The following RNF39 variants were observed in gnomAD, a reference collection of about 807,000 sequenced individuals.
RNF39 encodes the protein ring finger protein 39, also known as LTP (long-term potentiation) induced RING finger protein.
A neutral mutation model predicts 29.2 loss-of-function variants in RNF39; 25 were observed. The ratio of observed to expected loss-of-function variants is 0.86; its 90% CI spans 0.62 to 1.20. The LOEUF (loss-of-function observed/expected upper bound fraction) is 1.20, where lower values mean the gene tolerates loss of function less well. RNF39 is among the 50% of genes most tolerant of loss of function. The pLI is 0.00. For synonymous variants in RNF39, 219 were observed against 229.0 expected (o/e 0.96, Z 0.40); for missense variants, 519 against 515.0 (o/e 1.01, Z -0.08).
chr6:30,071,276 G>A lies in RNF39; in HGVS notation c.894C>T (p.Arg298=), dbSNP rs1202345768. Residue 298 remains arginine, a synonymous_variant, in exon 4 of 4, where the codon CGC becomes CGT. Coordinates refer to ENST00000244360, the MANE Select transcript of RNF39 (RefSeq NM_025236.4). The surrounding 1 kb of genome is among the most constrained non-coding windows in gnomAD (Gnocchi z 5.0). Reference sequence around the variant, plus strand: ...GGCCCCGCTCCCAGTCCAGGTCCACGCGAATGCGCCGCGGCGGGGGCTCAA... The same window carrying A: ...GGCCCCGCTCCCAGTCCAGGTCCACACGAATGCGCCGCGGCGGGGGCTCAA... ...GGVEPPPRRI[R]VDLDWERGRV... is the part of the protein sequence containing the mutation. The A allele has an allele frequency of 6.6e-7, 1 of 1,505,900 alleles. No homozygotes were observed. The highest frequency in any genetic ancestry group is 2.3e-5 in the Admixed American group (1 of 42,676). 93.3% of individuals were successfully genotyped at this position (1,505,900 alleles called of 1,614,324 possible).
chr6:30,075,165 GC>G lies in RNF39; in HGVS notation c.363+57del, dbSNP rs1196757661. ...TCCGGCTCCAGACGTGCCATTCCCGGCTTCCCCGGGAACCTCCCGCTTCCAC... is the reference window on the plus strand; with the variant it reads ...TCCGGCTCCAGACGTGCCATTCCCGGTTCCCCGGGAACCTCCCGCTTCCAC... On this transcript the variant is annotated intron_variant, in intron 1 of 3. Coordinates refer to ENST00000244360, the MANE Select transcript of RNF39 (RefSeq NM_025236.4). The G allele has an allele frequency of 2.7e-6, 4 of 1,487,224 alleles. No individual in the cohort carries two copies. The Admixed American group carries it at 9.1e-5, about 34-fold the overall frequency. The allele number at this position is 1,487,224 out of a possible 1,614,324, so 92.1% of individuals were successfully genotyped here. A position where few individuals can be genotyped will look rare whatever the true frequency, so the allele number is the denominator to read the frequency against.
Position 30,074,846 on chromosome 6 carries a change from T to A in RNF39, c.363+377A>T, listed in dbSNP as rs1766281914. 6.6e-6 allele frequency among the ~76,000 whole-genome samples: 1 copy of A among 151,878 alleles called. No homozygotes were observed. The highest frequency in any genetic ancestry group is 2.1e-4 in the South Asian group (1 of 4,796). On this transcript the variant is annotated intron_variant, in intron 1 of 3. Coordinates refer to ENST00000244360, the MANE Select transcript of RNF39 (RefSeq NM_025236.4). The surrounding 1 kb of genome is among the most constrained non-coding windows in gnomAD (Gnocchi z 4.1). ...CCCTCCCCTCCGCCAGCTCTCCTCCTCCCGGGCGCCTGCGGCTGCCCTGCC... is the reference window on the plus strand; with the variant it reads ...CCCTCCCCTCCGCCAGCTCTCCTCCACCCGGGCGCCTGCGGCTGCCCTGCC...
At position 30,070,593 on chromosome 6, in the gene RNF39, A is replaced by C; in HGVS notation, c.*518T>G. ...CACCCCCAGATCCTGCAAAAGAGGT[A>C]CAAAGCTTCCCAGAGGGCCACAGGG... On this transcript the variant is annotated 3_prime_UTR_variant, in exon 4 of 4. Transcript: ENST00000244360. 1 of 332,360 alleles carries C rather than the reference A, an allele frequency of 3.0e-6. No homozygotes were observed. The highest frequency in any genetic ancestry group is 6.0e-6 in the Non-Finnish European group (1 of 167,884). 20.6% of individuals were successfully genotyped at this position (332,360 alleles called of 1,614,324 possible).
rs1170241472 is a variant in RNF39, at chr6:30,072,728, C to G, written c.478+429G>C. 6.6e-6 allele frequency among the ~76,000 whole-genome samples: 1 copy of G among 152,166 alleles called. No individual in the cohort carries two copies. Among genetic ancestry groups the G allele is most frequent in the Non-Finnish European group, 1.5e-5 (1 of 68,028 alleles). On this transcript the variant is annotated intron_variant, in intron 3 of 3. Coordinates refer to ENST00000244360, the MANE Select transcript of RNF39 (RefSeq NM_025236.4). The surrounding 1 kb of genome is among the most constrained non-coding windows in gnomAD (Gnocchi z 4.5). The stretch of plus-strand genomic sequence containing the variant: ...CTCAGAATGTTACCTTGTTTTGAAA[C>G]AGGATCTTTACATAGGTAATCAAGT...
At position 30,071,817 on chromosome 6, in the gene RNF39, A is replaced by C; in HGVS notation, c.479-126T>G. The C allele has an allele frequency of 3.7e-5, 29 of 791,024 alleles. No homozygotes were observed. Among genetic ancestry groups the C allele is most frequent in the Middle Eastern group, 3.9e-4 (1 of 2,538 alleles). 49.0% of individuals were successfully genotyped at this position (791,024 alleles called of 1,614,324 possible). On this transcript the variant is annotated intron_variant, in intron 3 of 3. Coordinates refer to ENST00000244360, the MANE Select transcript of RNF39 (RefSeq NM_025236.4). The surrounding 1 kb of genome is among the most constrained non-coding windows in gnomAD (Gnocchi z 5.0). ...AGAGCTAGTGACCACACAACAGCTCAAAAGGCGACTGCAGGACCAAAAAGA... is the reference window on the plus strand; with the variant it reads ...AGAGCTAGTGACCACACAACAGCTCCAAAGGCGACTGCAGGACCAAAAAGA...
Position 30,072,790 on chromosome 6 carries a change from T to C in RNF39, c.478+367A>G, listed in dbSNP as rs1766094497. Among the ~76,000 whole-genome samples, 1 of 152,140 alleles carries C rather than the reference T, an allele frequency of 6.6e-6. No homozygotes were observed. The highest frequency in any genetic ancestry group is 2.1e-4 in the South Asian group (1 of 4,816). Reference sequence around the variant, plus strand: ...TCATTAGGGTGGGCTCTAATCCAGATTGCTGACTTACAAAAAGAGGAAATT... The same window carrying C: ...TCATTAGGGTGGGCTCTAATCCAGACTGCTGACTTACAAAAAGAGGAAATT... On this transcript the variant is annotated intron_variant, in intron 3 of 3. Transcript: ENST00000244360. The surrounding 1 kb of genome is among the most constrained non-coding windows in gnomAD (Gnocchi z 4.5).
chr6:30,075,410 G>T lies in RNF39; in HGVS notation c.176C>A (p.Ser59Tyr). ...GCCGCAGCAGGGACAGGCGGTGGGG[G>T]AAGCCTCGGTGCCGGTCGCCGGCGG... The part of the protein sequence containing the change: ...GTPPATGTEA[S>Y]PTACPCCGLP... The change falls in exon 1 of 4, where the codon TCC becomes TAC. Residue 59 changes from serine (S) to tyrosine (Y), a missense_variant. Physicochemically the swap from Ser to Tyr is moderately radical, Grantham distance 144. Transcript: ENST00000244360. The T allele has an allele frequency of 6.4e-7, 1 of 1,558,328 alleles. No homozygotes were observed.
Position 30,072,453 on chromosome 6 carries a change from G to A in RNF39, c.478+704C>T, listed in dbSNP as rs1038556974. On this transcript the variant is annotated intron_variant, in intron 3 of 3. Transcript: ENST00000244360. This position sits in a 1 kb window ranked among gnomAD's most constrained non-coding sequence, Gnocchi z 4.5. ...GAAGGGTAGAGGCACCCTTCTTCTT[G>A]GGAGTGAGTGAGGAAAGAAGGGTCA... Among the ~76,000 whole-genome samples, 1 of 152,070 alleles carries A rather than the reference G, an allele frequency of 6.6e-6. No homozygotes were observed. Among genetic ancestry groups the A allele is most frequent in the Non-Finnish European group, 1.5e-5 (1 of 68,008 alleles).
At position 30,071,162 on chromosome 6, in the gene RNF39, G is replaced by C; in HGVS notation, c.1008C>G (p.Phe336Leu). 1.3e-6 allele frequency: 2 copies of C among 1,530,662 alleles called. No individual in the cohort carries two copies. The highest frequency in any genetic ancestry group is 1.8e-6 in the Non-Finnish European group (2 of 1,140,236). The allele number at this position is 1,530,662 out of a possible 1,614,324, so 94.8% of individuals were successfully genotyped here. A position where few individuals can be genotyped will look rare whatever the true frequency, so the allele number is the denominator to read the frequency against. Reference sequence around the variant, plus strand: ...GCGGAGCACGAGGGTCGCAGGTGCAGAACAGCGGGAAGATGCGCTCCCCCA... The same window carrying C: ...GCGGAGCACGAGGGTCGCAGGTGCACAACAGCGGGAAGATGCGCTCCCCCA... ...GPLGERIFPLFCTCDPRAPLR... is the reference protein window; with the variant it reads ...GPLGERIFPLLCTCDPRAPLR... The change falls in exon 4 of 4, where the codon TTC (phenylalanine) becomes TTG (leucine). Residue 336 changes from phenylalanine to leucine, a missense_variant. Transcript: ENST00000244360. This position sits in a 1 kb window ranked among gnomAD's most constrained non-coding sequence, Gnocchi z 5.0.
At position 30,074,950 on chromosome 6, in the gene RNF39, C is replaced by T. The variant is rs1766289484; in HGVS notation, c.363+273G>A. 6.6e-6 allele frequency among the ~76,000 whole-genome samples: 1 copy of T among 152,126 alleles called. No homozygotes were observed. On this transcript the variant is annotated intron_variant, in intron 1 of 3. Transcript: ENST00000244360. The surrounding 1 kb of genome is among the most constrained non-coding windows in gnomAD (Gnocchi z 4.1). ...CTATCCGGTACCCCTTCTCTGCCTC[C>T]CCAGTCTCTTCTCTCCAGCCCCTCT... is the stretch of plus-strand genomic sequence containing the variant.
In RNF39 at chr6:30,074,051, G is replaced by T. The variant is rs1421671002; in HGVS notation, c.364-573C>A. Among the ~76,000 whole-genome samples, 1 of 152,108 alleles carries T rather than the reference G, an allele frequency of 6.6e-6. No individual in the cohort carries two copies. The highest frequency in any genetic ancestry group is 1.5e-5 in the Non-Finnish European group (1 of 68,030). On this transcript the variant is annotated intron_variant, in intron 1 of 3. Coordinates refer to ENST00000244360, the MANE Select transcript of RNF39 (RefSeq NM_025236.4). The surrounding 1 kb of genome is among the most constrained non-coding windows in gnomAD (Gnocchi z 4.1). Reference sequence around the variant, plus strand: ...TTGGGCCCTTTGCTTTGTGTCTCTGGACCCTGGCCAGGGAGGCAGCTAGAC... The same window carrying T: ...TTGGGCCCTTTGCTTTGTGTCTCTGTACCCTGGCCAGGGAGGCAGCTAGAC...
At position 30,071,134 on chromosome 6, in the gene RNF39, G is replaced by C; in HGVS notation, c.1036C>G (p.Arg346Gly). Reference sequence around the variant, plus strand: ...ACTCAGCTTTCCGCTGGTACAATGCGGAGCGGAGCACGAGGGTCGCAGGTG... The same window carrying C: ...ACTCAGCTTTCCGCTGGTACAATGCCGAGCGGAGCACGAGGGTCGCAGGTG... ...FCTCDPRAPL[R>G]IVPAES Residue 346 changes from arginine (R) to glycine (G), a missense_variant, in exon 4 of 4, where the codon CGC (arginine) becomes GGC (glycine). Coordinates refer to ENST00000244360, the MANE Select transcript of RNF39 (RefSeq NM_025236.4). This position sits in a 1 kb window ranked among gnomAD's most constrained non-coding sequence, Gnocchi z 5.0. 6.4e-7 allele frequency: 1 copy of C among 1,553,802 alleles called. No homozygotes were observed. The highest frequency in any genetic ancestry group is 8.7e-7 in the Non-Finnish European group (1 of 1,149,778).
chr6:30,073,381 A>G (rs1766151031), intron 2 of RNF39, 75 bp downstream of exon 2: 1 of 1,595,866 alleles, frequency 6.3e-7, no homozygotes, highest in Non-Finnish European at 8.6e-7. Flanking sequence ...ATGGGAACAA[A>G]GGTGTGGGCC....
chr6:30,070,860 A>G lies in RNF39; in HGVS notation c.*251T>C, dbSNP rs1042817483. The G allele has an allele frequency of 8.7e-6, 6 of 693,110 alleles. No individual in the cohort carries two copies. Among genetic ancestry groups the G allele is most frequent in the Non-Finnish European group, 1.3e-5 (5 of 379,244 alleles). 42.9% of individuals were successfully genotyped at this position (693,110 alleles called of 1,614,324 possible). A position where few individuals can be genotyped will look rare whatever the true frequency, so the allele number is the denominator to read the frequency against. ...ATGGTTTGAATGGGAGAAGTCAGGAAGTACTGTAGTAGCTGTAGGGGAGAG... is the reference window on the plus strand; with the variant it reads ...ATGGTTTGAATGGGAGAAGTCAGGAGGTACTGTAGTAGCTGTAGGGGAGAG... On this transcript the variant is annotated 3_prime_UTR_variant, in exon 4 of 4. Coordinates refer to ENST00000244360, the MANE Select transcript of RNF39 (RefSeq NM_025236.4).
At chr6:30,073,295 A>T (rs773944118) in intron 2 of RNF39, 47 bp from the exon 3 acceptor site, 2 of 1,501,162 alleles carry the variant, frequency 1.3e-6, no homozygotes, top group Admixed American at 3.3e-5. Flanking sequence ...TCTGATCCTA[A>T]TGCCCCCACG....
In RNF39 at chr6:30,075,285, G is replaced by T. The variant is rs746308698; in HGVS notation, c.301C>A (p.Arg101Ser). 4 of 1,598,782 alleles carry T rather than the reference G, an allele frequency of 2.5e-6. No individual in the cohort carries two copies. The highest frequency in any genetic ancestry group is 2.7e-5 in the African/African-American group (2 of 74,660). ...CGCCCCCCTCGGCGTCTCCCCGCACGGGCCCCAGGCTCAGCCAGCTTCTCT... is the reference window on the plus strand; with the variant it reads ...CGCCCCCCTCGGCGTCTCCCCGCACTGGCCCCAGGCTCAGCCAGCTTCTCT... ...LREKLAEPGA[R>S]AGRRRGGRIP... The change falls in exon 1 of 4, where the codon CGT becomes AGT. Residue 101 changes from arginine (R) to serine (S), a missense_variant. By Grantham distance (110) the Arg-to-Ser change is moderately radical. Coordinates refer to ENST00000244360, the MANE Select transcript of RNF39 (RefSeq NM_025236.4).
chr6:30,073,420 G>A (rs1766154604), intron 2 of RNF39, 36 bp downstream of exon 2: 1 of 1,613,746 alleles, frequency 6.2e-7, no homozygotes, highest in Non-Finnish European at 8.5e-7. Context: ...TATGGCAGCT[G>A]GTGAGAAAAG....
Position 30,075,550 on chromosome 6 carries a change from C to T in RNF39, c.36G>A (p.Glu12=), listed in dbSNP as rs758342650. The T allele has an allele frequency of 2.5e-6, 4 of 1,600,074 alleles. No homozygotes were observed. Among genetic ancestry groups the T allele is most frequent in the African/African-American group, 2.7e-5 (2 of 74,726 alleles). The change falls in exon 1 of 4, where the codon GAG becomes GAA. Residue 12 remains glutamate, a synonymous_variant. Coordinates refer to ENST00000244360, the MANE Select transcript of RNF39 (RefSeq NM_025236.4). ...GACACGTCGCCAGCTGCTCCAGACG[C>T]TCCACCAGCCCCGGGCCCAGCTCGG... The part of the protein sequence containing the change: ...DAPELGPGLV[E]RLEQLATCPL...
Position 30,071,746 on chromosome 6 carries a change from G to T in RNF39, c.479-55C>A. 1 of 1,341,104 alleles carries T rather than the reference G, an allele frequency of 7.5e-7. No homozygotes were observed. Among genetic ancestry groups the T allele is most frequent in the Non-Finnish European group, 9.7e-7 (1 of 1,029,822 alleles). 83.1% of individuals were successfully genotyped at this position (1,341,104 alleles called of 1,614,324 possible). On this transcript the variant is annotated intron_variant, in intron 3 of 3. Coordinates refer to ENST00000244360, the MANE Select transcript of RNF39 (RefSeq NM_025236.4). This position sits in a 1 kb window ranked among gnomAD's most constrained non-coding sequence, Gnocchi z 5.0. ...CATGAGAGAGTTTTCTAAATCACAG[G>T]CGGGGTAGGGTGGAGAATAGTCAAC...
Sources: allele counts gnomAD v4.1 joint callset (sites outside exome capture counted in the v4.1 genomes callset), GRCh38; gene constraint gnomAD v4.1.1; non-coding constraint Gnocchi (gnomAD v3.1); transcripts MANE v1.5; gene names NCBI Gene and HGNC (gene_info 2026-07-23, HGNC 2026-07-21).